Variants in SEC24A observed in about 807,000 individuals in gnomAD.
SEC24A encodes the protein protein transport protein Sec24A.
A neutral mutation model predicts 129.4 loss-of-function variants in SEC24A; 93 were observed. That is an observed-to-expected ratio of 0.72 (90% CI 0.61 to 0.85). The LOEUF is 0.85. Ranked by LOEUF, SEC24A falls within the 40% of genes least tolerant of loss-of-function variation. The pLI, the probability that SEC24A is intolerant of heterozygous loss-of-function variation, is 0.00. For synonymous variants in SEC24A, 460 were observed against 467.3 expected, an observed-to-expected ratio of 0.98 and a Z score of 0.20; for missense variants, 1,264 against 1,307.4, an observed-to-expected ratio of 0.97 and a Z score of 0.51.
intron 19 of SEC24A, 63 bp from the exon 20 acceptor site, chr5:134,718,006 T>C: frequency 1.6e-6 from 2 of 1,239,960 alleles, no homozygotes; most frequent in Non-Finnish European, 2.4e-6. Flanking sequence ...TTTTTGTTGT[T>C]GTTTAACTGT....
intron 20 of SEC24A, among the ~76,000 whole-genome samples, chr5:134,719,943 C>T (rs1490924229): frequency 6.6e-6 from 1 of 152,114 alleles, no homozygotes; most frequent in Non-Finnish European, 1.5e-5. Context: ...CAAGATCGTG[C>T]CATTGCACTC....
At chr5:134,700,885 A>AT (rs1751986499) in intron 15 of SEC24A, among the ~76,000 whole-genome samples, 1 of 151,808 alleles carries the variant, frequency 6.6e-6, no homozygotes, top group Non-Finnish European at 1.5e-5. Context: ...CTCCCAGCTA[A>AT]TTTTTTGTAT....
intron 9 of SEC24A, among the ~76,000 whole-genome samples, chr5:134,685,357 C>A (rs1177796490): frequency 6.7e-6 from 1 of 149,716 alleles, no homozygotes; most frequent in Non-Finnish European, 1.5e-5. Flanking sequence ...CAGAGCAACA[C>A]CTTCTCTCTA....
intron 19 of SEC24A, 46 bp downstream of exon 19, chr5:134,715,207 C>T: frequency 6.7e-7 from 1 of 1,499,228 alleles, no homozygotes; most frequent in East Asian, 2.3e-5. Context: ...GATTAGTAAG[C>T]CTAATCATAG....
At chr5:134,721,637 T>C (rs1211748632) in intron 21 of SEC24A, among the ~76,000 whole-genome samples, 2 of 150,500 alleles carry the variant, frequency 1.3e-5, no homozygotes, top group African/African-American at 2.4e-5. Flanking sequence ...CTTGGGAGGC[T>C]GAGGTGGGAG....
At position 134,686,873 on chromosome 5, in the gene SEC24A, T is replaced by G. The variant is rs1751473014; in HGVS notation, c.1575T>G (p.Val525=). Residue 525 remains valine, a synonymous_variant, in exon 10 of 23, where the codon GTT becomes GTG. Coordinates refer to ENST00000398844, the MANE Select transcript of SEC24A (RefSeq NM_021982.3). ...NAVETGYLNS[V]CQSLLDNLDL... ...TCGAAACTGGATACTTGAATTCAGT[T>G]TGCCAGAGTTTGTTAGACAATCTGG... is the stretch of plus-strand genomic sequence containing the variant. 1.9e-6 allele frequency: 3 copies of G among 1,607,836 alleles called. No individual in the cohort carries two copies. Among genetic ancestry groups the G allele is most frequent in the East Asian group, 4.5e-5 (2 of 44,698 alleles).
chr5:134,649,890 C>T (rs1009774026), intron 1 of SEC24A, among the ~76,000 whole-genome samples: 2 of 152,200 alleles, frequency 1.3e-5, no homozygotes, highest in African/African-American at 4.8e-5. Context: ...AATCGTCCTA[C>T]ATTGTGATTT....
intron 12 of SEC24A, 130 bp downstream of exon 12, chr5:134,692,787 CTTATAA>C (rs1751701621): frequency 1.4e-6 from 1 of 738,694 alleles, no homozygotes; most frequent in South Asian, 1.6e-5. Flanking sequence ...TATATTTGCT[CTTATAA>C]TTAGATGAAC....
chr5:134,662,637 T>C (rs1325304236), intron 2 of SEC24A, among the ~76,000 whole-genome samples: 2 of 152,200 alleles, frequency 1.3e-5, no homozygotes, highest in Non-Finnish European at 2.9e-5. Flanking sequence ...GCTGAAACTT[T>C]ATTTTTCCAA....
In SEC24A at chr5:134,704,033, G is replaced by T. The variant is rs1752081384; in HGVS notation, c.2440+101G>T. 5.0e-6 allele frequency: 3 copies of T among 602,128 alleles called. No individual in the cohort carries two copies. The East Asian group carries it at 8.5e-5, about 17-fold the overall frequency. The allele number at this position is 602,128 out of a possible 1,614,324, so 37.3% of individuals were successfully genotyped here. A position where few individuals can be genotyped will look rare whatever the true frequency, so the allele number is the denominator to read the frequency against. ...AATACATGTAGCATATCTTATGTGT[G>T]CTAACTTAAAATTGCTGTTTTTATT... On this transcript the variant is annotated intron_variant, in intron 16 of 22. Transcript: ENST00000398844.
Position 134,656,599 on chromosome 5 carries a change from A to G in SEC24A, c.98-4520A>G, listed in dbSNP as rs2150068676. Reference sequence around the variant, plus strand: ...CAGGTTCAAGCAATTCTCCTGCCTCAGCCTCTGAGTAGCTGGGACTATAGG... The same window carrying G: ...CAGGTTCAAGCAATTCTCCTGCCTCGGCCTCTGAGTAGCTGGGACTATAGG... On this transcript the variant is annotated intron_variant, in intron 1 of 22. Transcript: ENST00000398844. Among the ~76,000 whole-genome samples the G allele has an allele frequency of 1.3e-5, 2 of 151,986 alleles. 1 individual carries two copies. The highest frequency in any genetic ancestry group is 1.3e-4 in the Admixed American group (2 of 15,232).
chr5:134,699,580 T>G (rs538854265), intron 15 of SEC24A, among the ~76,000 whole-genome samples: 16 of 152,276 alleles, frequency 1.1e-4, no homozygotes, highest in Non-Finnish European at 2.2e-4. Flanking sequence ...ATTACAGGCA[T>G]GAGCTACCGC....
rs140838484 is a variant in SEC24A at position 134,665,302 on chromosome 5, A to T, written c.566-1521A>T. Among the ~76,000 whole-genome samples, 322 of 151,000 alleles carry T rather than the reference A, an allele frequency of 2.1e-3. 2 individuals carry two copies. The highest frequency in any genetic ancestry group is 7.5e-3 in the African/African-American group (308 of 41,278). ...AACCCCATCTCTACTAAAAATACAAAAATTAGCCGGGCGTGGTGGCGCGCA... is the reference window on the plus strand; with the variant it reads ...AACCCCATCTCTACTAAAAATACAATAATTAGCCGGGCGTGGTGGCGCGCA... On this transcript the variant is annotated intron_variant, in intron 2 of 22. Transcript: ENST00000398844.
At position 134,671,858 on chromosome 5, in the gene SEC24A, C is replaced by T. The variant is rs770678608; in HGVS notation, c.789C>T (p.Tyr263=). Residue 263 remains tyrosine (Y), a synonymous_variant, in exon 4 of 23, where the codon TAC becomes TAT. Transcript: ENST00000398844. ...GATCTATGGTGGTCCACAGTAGTTA[C>T]GACGAGATTGAAGGAGGTGGCTTAT... is the stretch of plus-strand genomic sequence containing the variant. The part of the protein sequence containing the change: ...NNGSMVVHSS[Y]DEIEGGGLLA... 1.4e-5 allele frequency: 23 copies of T among 1,608,676 alleles called. No individual in the cohort carries two copies. The highest frequency in any genetic ancestry group is 6.7e-5 in the East Asian group (3 of 44,736).
At chr5:134,666,536 G>A (rs565723528) in intron 2 of SEC24A, among the ~76,000 whole-genome samples, 13 of 151,690 alleles carry the variant, frequency 8.6e-5, no homozygotes, top group African/African-American at 3.1e-4. Flanking sequence ...CAGCCTGGGC[G>A]ACAAGAAAGA....
intron 15 of SEC24A, 87 bp downstream of exon 15, chr5:134,698,144 C>T (rs1751886181): frequency 8.8e-7 from 1 of 1,135,654 alleles, no homozygotes; most frequent in African/African-American, 1.6e-5. Context: ...TATAAGATTG[C>T]CCTTCTGAGA....
At chr5:134,677,442 G>T (rs559462426) in intron 7 of SEC24A, among the ~76,000 whole-genome samples, 10 of 151,350 alleles carry the variant, frequency 6.6e-5, no homozygotes, top group Admixed American at 6.0e-4. Context: ...TTTTTTGGTG[G>T]TGATATAATT....
intron 20 of SEC24A, among the ~76,000 whole-genome samples, chr5:134,719,135 G>A (rs1752560952): frequency 1.3e-5 from 2 of 152,156 alleles, no homozygotes; most frequent in South Asian, 2.1e-4. Flanking sequence ...TAATTGCAGC[G>A]CTTTAGGATG....
At chr5:134,683,357 T>C (rs1266831166) in intron 9 of SEC24A, among the ~76,000 whole-genome samples, 8 of 152,064 alleles carry the variant, frequency 5.3e-5, no homozygotes, top group East Asian at 1.9e-4. Flanking sequence ...AGTTTTTTTT[T>C]CCCTATTGCT....
Sources: allele counts gnomAD v4.1 joint callset (sites outside exome capture counted in the v4.1 genomes callset), GRCh38; gene constraint gnomAD v4.1.1; transcripts MANE v1.5; gene names NCBI Gene and HGNC (gene_info 2026-07-23, HGNC 2026-07-21).